Variants in RIMS1 observed in about 807,000 individuals in gnomAD.
RIMS1 encodes the protein regulating synaptic membrane exocytosis 1, also known as regulating synaptic membrane exocytosis protein 1.
Under a neutral mutation model 214.1 loss-of-function variants are expected in RIMS1, and 83 were observed. That is an observed-to-expected ratio of 0.39 (90% CI 0.32 to 0.47). The LOEUF is 0.47. Ranked by LOEUF, RIMS1 falls within the 20% of genes least tolerant of loss-of-function variation. The probability of loss-of-function intolerance (pLI) is 0.99; values close to 1 mark genes in which losing one functional copy is unlikely to be tolerated. For synonymous variants in RIMS1, 793 were observed against 786.8 expected (o/e 1.01, Z -0.13); for missense variants, 2,050 against 2,161.8 (o/e 0.95, Z 1.03).
intron 1 of RIMS1, among the ~76,000 whole-genome samples, chr6:71,889,221 A>T (rs73748923): frequency 0.013 from 2,030 of 152,182 alleles, 42 homozygotes; most frequent in African/African-American, 0.046. Context: ...TGGCTGTCTC[A>T]AGCATGGTGG....
rs183497892 is a variant in RIMS1, at chr6:71,887,945, A to G, written c.164+758A>G. Among the ~76,000 whole-genome samples the G allele has an allele frequency of 1.2e-3, 183 of 152,316 alleles. 1 individual carries two copies. Among genetic ancestry groups the G allele is most frequent in the African/African-American group, 4.3e-3 (178 of 41,572 alleles). The stretch of plus-strand genomic sequence containing the variant: ...AGAGGTTCCTCTTTAGTGGTTTCCA[A>G]GAGACCTCTGGGGCCTGTTCAGTTC... On this transcript the variant is annotated intron_variant, in intron 1 of 33. Transcript: ENST00000521978.
At chr6:72,141,307 T>A (rs942331553) in intron 4 of RIMS1, among the ~76,000 whole-genome samples, 1 of 152,000 alleles carries the variant, frequency 6.6e-6, no homozygotes, top group Non-Finnish European at 1.5e-5. Flanking sequence ...GCCATCAGCA[T>A]GCTGTTACTA....
chr6:72,153,975 T>C (rs1386529237), intron 4 of RIMS1, among the ~76,000 whole-genome samples: 1 of 152,176 alleles, frequency 6.6e-6, no homozygotes, highest in Non-Finnish European at 1.5e-5. Context: ...GGAGATGCTA[T>C]TGAGAACATA....
At chr6:72,312,644 G>A (rs2095568287) in intron 27 of RIMS1, among the ~76,000 whole-genome samples, 1 of 152,118 alleles carries the variant, frequency 6.6e-6, no homozygotes. Flanking sequence ...TAAGGATCCA[G>A]TATTCTACTT....
chr6:71,907,730 A>G (rs543207495), intron 1 of RIMS1, among the ~76,000 whole-genome samples: 2 of 152,334 alleles, frequency 1.3e-5, no homozygotes, highest in East Asian at 1.9e-4. Flanking sequence ...ACATACTTCC[A>G]TAATACCGCT....
At chr6:71,942,941 G>T (rs1786614361) in intron 1 of RIMS1, among the ~76,000 whole-genome samples, 1 of 151,936 alleles carries the variant, frequency 6.6e-6, no homozygotes, top group Admixed American at 6.6e-5. Context: ...TTAACGACTT[G>T]TGCTTTAAAA....
rs566662491 is a variant in RIMS1, at chr6:72,307,817, A to C, written c.3963+447A>C. Among the ~76,000 whole-genome samples the C allele has an allele frequency of 1.2e-3, 179 of 152,186 alleles. 2 individuals carry two copies. Among genetic ancestry groups the C allele is most frequent in the Non-Finnish European group, 5.4e-4 (37 of 68,006 alleles). Reference sequence around the variant, plus strand: ...CATAATTTCTACCAAAGCCAAAAAAACAAAAAACTCTTTCCTCTTGATATT... The same window carrying C: ...CATAATTTCTACCAAAGCCAAAAAACCAAAAAACTCTTTCCTCTTGATATT... On this transcript the variant is annotated intron_variant, in intron 27 of 33. Transcript: ENST00000521978.
intron 2 of RIMS1, among the ~76,000 whole-genome samples, chr6:72,080,435 T>C (rs1285948614): frequency 2.0e-5 from 3 of 152,184 alleles, no homozygotes; most frequent in Non-Finnish European, 4.4e-5. Flanking sequence ...TAAGCTGGAT[T>C]ATTGCCAGGC....
chr6:71,926,745 C>A (rs1026470493), intron 1 of RIMS1, among the ~76,000 whole-genome samples: 5 of 152,060 alleles, frequency 3.3e-5, no homozygotes, highest in Non-Finnish European at 7.4e-5. Flanking sequence ...TTAACACCAG[C>A]CTAGTAACTT....
intron 4 of RIMS1, 139 bp downstream of exon 4, chr6:72,100,125 A>G (rs555826814): frequency 1.2e-4 from 80 of 689,900 alleles, no homozygotes; most frequent in Non-Finnish European, 1.6e-4. Flanking sequence ...TCCAGCTCTC[A>G]TGAAAAAAAT....
chr6:72,196,721 G>T (rs181225815), intron 6 of RIMS1, among the ~76,000 whole-genome samples: 84 of 151,546 alleles, frequency 5.5e-4, no homozygotes, highest in African/African-American at 1.9e-3. Context: ...GATGAGAAAA[G>T]GTGAACTATG....
At chr6:72,126,856 G>A (rs556290537) in intron 4 of RIMS1, among the ~76,000 whole-genome samples, 6 of 151,488 alleles carry the variant, frequency 4.0e-5, no homozygotes, top group Non-Finnish European at 7.4e-5. Context: ...GTACAACTAT[G>A]GAAAACAGTT....
chr6:72,263,676 A>G (rs1424699795), intron 19 of RIMS1: 1 of 985,258 alleles, frequency 1.0e-6, no homozygotes, highest in Non-Finnish European at 1.2e-6. Flanking sequence ...AGGAGGCTAA[A>G]TCCTTAGTTT....
chr6:72,000,937 A>G (rs751025483), intron 2 of RIMS1, among the ~76,000 whole-genome samples: 26 of 152,224 alleles, frequency 1.7e-4, no homozygotes, highest in Non-Finnish European at 2.8e-4. Context: ...TATGTTGCAC[A>G]TACAGAGATA....
At chr6:72,178,384 T>C (rs781079737) in intron 4 of RIMS1, among the ~76,000 whole-genome samples, 2 of 152,226 alleles carry the variant, frequency 1.3e-5, no homozygotes, top group African/African-American at 4.8e-5. Context: ...CAGTAGTTCA[T>C]TTTCTTCATT....
At chr6:72,394,042 A>AG (rs1491370948) in intron 31 of RIMS1, among the ~76,000 whole-genome samples, 29 of 151,492 alleles carry the variant, frequency 1.9e-4, no homozygotes, top group Non-Finnish European at 3.1e-4. Flanking sequence ...AAAAAAAAAA[A>AG]GATGGAACCA....
At position 72,259,012 on chromosome 6, in the gene RIMS1, G is replaced by A; in HGVS notation, c.2954G>A (p.Arg985Lys). 1 of 1,612,782 alleles carries A rather than the reference G, an allele frequency of 6.2e-7. No homozygotes were observed. Among genetic ancestry groups the A allele is most frequent in the Non-Finnish European group, 8.5e-7 (1 of 1,179,038 alleles). The change falls in exon 18 of 34, where the codon AGA (arginine) becomes AAA (lysine). Residue 985 changes from arginine (R) to lysine (K), a missense_variant. This residue lies in a region of RIMS1 where 889 missense variants were observed against 885.5 expected (regional missense o/e 1.00). Transcript: ENST00000521978. ...AGTTTAGATGAAATTCATCCAACAA[G>A]AAGGTCACGTTCTCCAACCAGACAC... is the stretch of plus-strand genomic sequence containing the variant. ...QRSLDEIHPT[R>K]RSRSPTRHHD...
intron 29 of RIMS1, among the ~76,000 whole-genome samples, chr6:72,373,340 C>T (rs2098276977): frequency 2.0e-5 from 3 of 152,094 alleles, no homozygotes; most frequent in Admixed American, 2.0e-4. Context: ...TTGTTTTTAC[C>T]TTGTGAATTA....
At chr6:72,049,628 G>A (rs1824055707) in intron 2 of RIMS1, among the ~76,000 whole-genome samples, 2 of 152,118 alleles carry the variant, frequency 1.3e-5, no homozygotes, top group Non-Finnish European at 2.9e-5. Context: ...CATAAAATAA[G>A]TTCTTACTTC....
Sources: allele counts gnomAD v4.1 joint callset (sites outside exome capture counted in the v4.1 genomes callset), GRCh38; gene constraint gnomAD v4.1.1; regional missense constraint gnomAD v4.1.1; transcripts MANE v1.5; gene names NCBI Gene and HGNC (gene_info 2026-07-23, HGNC 2026-07-21).